Variants in CDH12 observed in about 807,000 individuals in gnomAD.
CDH12 encodes the protein cadherin 12.
Under a neutral mutation model 74.1 loss-of-function variants are expected in CDH12, and 41 were observed. The ratio of observed to expected loss-of-function variants is 0.55; its 90% CI spans 0.43 to 0.72. The LOEUF is 0.72. CDH12 is among the 30% of genes least tolerant of loss of function. The pLI, the probability that CDH12 is intolerant of heterozygous loss-of-function variation, is 0.00. For missense variants in CDH12, 945 were observed against 977.2 expected (o/e 0.97, Z 0.44); for synonymous variants, 399 against 355.0 (o/e 1.12, Z -1.39).
intron 4 of CDH12, among the ~76,000 whole-genome samples, chr5:22,147,822 T>C (rs1747305179): frequency 6.6e-6 from 1 of 152,082 alleles, no homozygotes; most frequent in African/African-American, 2.4e-5. Flanking sequence ...CTCCCACCAG[T>C]TCCCTCCCAC....
chr5:22,252,493 A>C (rs1260789126), intron 3 of CDH12, among the ~76,000 whole-genome samples: 1 of 151,998 alleles, frequency 6.6e-6, no homozygotes, highest in Non-Finnish European at 1.5e-5. Flanking sequence ...TCCTCTTCCC[A>C]AATTTTTATG....
At chr5:22,477,705 T>C (rs896346407) in intron 2 of CDH12, among the ~76,000 whole-genome samples, 1 of 152,140 alleles carries the variant, frequency 6.6e-6, no homozygotes, top group Non-Finnish European at 1.5e-5. Flanking sequence ...TTAATAACAC[T>C]ATTGGACTAC....
At chr5:21,875,896 A>AT (rs34435511) in intron 6 of CDH12, among the ~76,000 whole-genome samples, 23,979 of 136,676 alleles carry the variant, frequency 0.18, 3,084 homozygotes, top group African/African-American at 0.34. Context: ...CTTTGCGGGC[A>AT]TTTTTTTTTT....
chr5:22,466,459 T>C (rs1298040762), intron 2 of CDH12, among the ~76,000 whole-genome samples: 1 of 152,116 alleles, frequency 6.6e-6, no homozygotes, highest in African/African-American at 2.4e-5. Flanking sequence ...TGGGTTTGTG[T>C]AAGTGTATAT....
intron 1 of CDH12, among the ~76,000 whole-genome samples, chr5:22,787,365 A>G (rs998471166): frequency 1.3e-5 from 2 of 152,156 alleles, no homozygotes; most frequent in Non-Finnish European, 2.9e-5. Context: ...ATGTGACTCT[A>G]TTCCAATTAG....
chr5:22,457,716 T>A (rs940994816), intron 2 of CDH12, among the ~76,000 whole-genome samples: 3 of 150,878 alleles, frequency 2.0e-5, no homozygotes, highest in Non-Finnish European at 3.0e-5. Context: ...GTAGCTTGGA[T>A]TACAGGCACC....
intron 6 of CDH12, among the ~76,000 whole-genome samples, chr5:21,942,179 G>A (rs987207096): frequency 6.6e-6 from 1 of 152,046 alleles, no homozygotes; most frequent in African/African-American, 2.4e-5. Context: ...TTATAGCCAA[G>A]AATCCAAGCA....
chr5:22,813,542 G>C (rs1261809638), intron 1 of CDH12, among the ~76,000 whole-genome samples: 1 of 152,024 alleles, frequency 6.6e-6, no homozygotes, highest in Non-Finnish European at 1.5e-5. Context: ...GGCAGAGTAA[G>C]GATTTTGCTT....
chr5:22,197,842 T>C (rs1263361116), intron 4 of CDH12, among the ~76,000 whole-genome samples: 1 of 152,210 alleles, frequency 6.6e-6, no homozygotes, highest in Non-Finnish European at 1.5e-5. Flanking sequence ...TTCTAATTTA[T>C]AAATTTGTAT....
At chr5:21,921,484 C>T (rs1754350804) in intron 6 of CDH12, among the ~76,000 whole-genome samples, 1 of 152,044 alleles carries the variant, frequency 6.6e-6, no homozygotes, top group African/African-American at 2.4e-5. Flanking sequence ...CTGATGGTTG[C>T]TCTATTCTTT....
At chr5:22,793,128 A>G (rs1748003765) in intron 1 of CDH12, among the ~76,000 whole-genome samples, 1 of 152,184 alleles carries the variant, frequency 6.6e-6, no homozygotes, top group East Asian at 1.9e-4. Context: ...TTGGAGCTAC[A>G]TTACACTATT....
At chr5:22,568,495 A>G (rs961178653) in intron 1 of CDH12, among the ~76,000 whole-genome samples, 1 of 152,176 alleles carries the variant, frequency 6.6e-6, no homozygotes, top group Admixed American at 6.6e-5. Context: ...ATTTAATTTT[A>G]TCTGTTAAAT....
At chr5:22,397,757 AT>A (rs1297221993) in intron 3 of CDH12, among the ~76,000 whole-genome samples, 2 of 152,098 alleles carry the variant, frequency 1.3e-5, no homozygotes, top group Non-Finnish European at 2.9e-5. Flanking sequence ...CTATGACTAT[AT>A]TTTGACATAT....
chr5:22,192,076 T>C (rs550019267), intron 4 of CDH12, among the ~76,000 whole-genome samples: 34 of 152,154 alleles, frequency 2.2e-4, no homozygotes, highest in Middle Eastern at 3.4e-3. Context: ...GCTAGGATTA[T>C]AGGAGGGCCA....
In CDH12 at chr5:22,374,953, A is replaced by G. The variant is rs574821899; in HGVS notation, c.-333+30304T>C. ...ATCATTTTTCACAGAATTAAAAAAAATCCTAAAATTTGTATAAAACTACAA... is the reference window on the plus strand; with the variant it reads ...ATCATTTTTCACAGAATTAAAAAAAGTCCTAAAATTTGTATAAAACTACAA... On this transcript the variant is annotated intron_variant, in intron 3 of 14. Transcript: ENST00000382254. Among the ~76,000 whole-genome samples the G allele has an allele frequency of 7.2e-5, 11 of 152,250 alleles. No individual in the cohort carries two copies. In the South Asian group the frequency reaches 1.9e-3, roughly 26 times the overall value.
intron 6 of CDH12, among the ~76,000 whole-genome samples, chr5:21,942,984 A>C (rs1352611533): frequency 6.6e-6 from 1 of 152,176 alleles, no homozygotes; most frequent in Non-Finnish European, 1.5e-5. Flanking sequence ...TGATTGGATC[A>C]TGGGCACAGT....
At chr5:22,814,485 T>C (rs1406710973) in intron 1 of CDH12, among the ~76,000 whole-genome samples, 1 of 152,206 alleles carries the variant, frequency 6.6e-6, no homozygotes, top group East Asian at 1.9e-4. Context: ...GCTTTGACAT[T>C]AATAGGACAA....
intron 3 of CDH12, among the ~76,000 whole-genome samples, chr5:22,350,096 T>A (rs1377895126): frequency 2.0e-5 from 3 of 152,206 alleles, no homozygotes; most frequent in Admixed American, 2.0e-4. Context: ...TTTGTACACA[T>A]TAACTCAGTT....
intron 6 of CDH12, among the ~76,000 whole-genome samples, chr5:21,891,436 C>G (rs954073385): frequency 6.6e-6 from 1 of 152,016 alleles, no homozygotes; most frequent in Admixed American, 6.6e-5. Context: ...CTTTCCATTA[C>G]AGAGATGACA....
Sources: gnomAD v4.1 joint callset for allele counts (sites outside exome capture counted in the v4.1 genomes callset) on GRCh38, gnomAD v4.1.1 for gene constraint, MANE v1.5 for transcripts, NCBI Gene and HGNC (gene_info 2026-07-23, HGNC 2026-07-21) for gene names.